MPV17: variants seen among roughly 807,000 people sequenced by gnomAD.
The protein encoded by MPV17 is mitochondrial inner membrane protein MPV17, also known as MPV17, mitochondrial inner membrane protein.
A neutral mutation model predicts 28.6 loss-of-function variants in MPV17; 31 were observed. The ratio of observed to expected loss-of-function variants is 1.08; its 90% CI spans 0.81 to 1.46. MPV17 has a LOEUF of 1.46. Ranked by LOEUF, MPV17 falls within the 40% of genes most tolerant of loss-of-function variation. The pLI is 0.00. For missense variants in MPV17, 198 were observed against 216.2 expected (o/e 0.92, Z 0.53); for synonymous variants, 87 against 85.3 (o/e 1.02, Z -0.11).
chr2:27,322,892 G>A lies in MPV17; in HGVS notation c.-6+160C>T, dbSNP rs569161070. ...CAAAAGATAGCTTGGTCCGTCTCCA[G>A]ATTCAGACTTGGTTGGAACCAGTTT... On this transcript the variant is annotated intron_variant, in intron 1 of 7. Coordinates refer to ENST00000380044, the MANE Select transcript of MPV17 (RefSeq NM_002437.5). 1.1e-4 allele frequency among the ~76,000 whole-genome samples: 16 copies of A among 152,324 alleles called. 1 individual carries two copies. The South Asian group carries it at 3.1e-3, about 30-fold the overall frequency.
intron 2 of MPV17, chr2:27,313,323 A>G: frequency 9.1e-7 from 1 of 1,104,376 alleles, no homozygotes; most frequent in East Asian, 2.6e-5. Context: ...AGAAACTGGG[A>G]TGAGCAGACC....
chr2:27,317,353 C>T lies in MPV17; in HGVS notation c.71-4244G>A. 1.2e-6 allele frequency: 1 copy of T among 868,534 alleles called. No individual in the cohort carries two copies. The highest frequency in any genetic ancestry group is 1.7e-5 in the African/African-American group (1 of 57,966). 53.8% of individuals were successfully genotyped at this position (868,534 alleles called of 1,614,324 possible). ...TCTGGGATTATTCTGAATGCTCTCC[C>T]ATTTCTGACCTGAACCCATCCTACT... is the stretch of plus-strand genomic sequence containing the variant. On this transcript the variant is annotated intron_variant, in intron 2 of 7. Transcript: ENST00000380044. The surrounding 1 kb of genome is among the most constrained non-coding windows in gnomAD (Gnocchi z 4.0).
At chr2:27,318,632 C>T (rs1414054444) in intron 2 of MPV17, among the ~76,000 whole-genome samples, 1 of 151,714 alleles carries the variant, frequency 6.6e-6, no homozygotes. Context: ...TGCTGGTGAG[C>T]CACCATACCC....
intron 2 of MPV17, chr2:27,315,865 A>AC (rs1345798934): frequency 1.5e-6 from 2 of 1,365,050 alleles, no homozygotes; most frequent in African/African-American, 2.9e-5. Flanking sequence ...CCCAGCCTAC[A>AC]CCCCCATTTA....
chr2:27,319,823 G>A, intron 2 of MPV17, among the ~76,000 whole-genome samples: 1 of 151,384 alleles, frequency 6.6e-6, no homozygotes, highest in East Asian at 2.0e-4. Flanking sequence ...CTACTCAGGA[G>A]GCTGACGCAT....
Position 27,312,517 on chromosome 2 carries a change from C to T in MPV17, c.352G>A (p.Asp118Asn). 1 of 1,614,168 alleles carries T rather than the reference C, an allele frequency of 6.2e-7. No individual in the cohort carries two copies. The highest frequency in any genetic ancestry group is 1.3e-5 in the African/African-American group (1 of 75,064). The change falls in exon 5 of 8, where the codon GAC becomes AAC. Residue 118 changes from aspartate to asparagine, a missense_variant. Transcript: ENST00000380044. ...VGALNGLSAQ[D>N]NWAKLQRDYP... ...ACCCGCTGTAGTTTGGCCCAGTTGT[C>T]CTGGGCTGACAGTCCATTAAGTGCC...
intron 2 of MPV17, among the ~76,000 whole-genome samples, chr2:27,321,636 A>G (rs535715440): frequency 2.6e-5 from 4 of 152,310 alleles, no homozygotes; most frequent in Admixed American, 2.6e-4. Flanking sequence ...TCTTCATGCC[A>G]TCCTCTTACA....
chr2:27,321,451 C>G (rs1679854776), intron 2 of MPV17, among the ~76,000 whole-genome samples: 1 of 152,248 alleles, frequency 6.6e-6, no homozygotes, highest in Non-Finnish European at 1.5e-5. Context: ...CCCTGTTCCA[C>G]TCTGGCCTTC....
intron 2 of MPV17, among the ~76,000 whole-genome samples, chr2:27,320,937 G>C (rs755582541): frequency 4.2e-4 from 64 of 152,200 alleles, no homozygotes; most frequent in Non-Finnish European, 2.2e-4. Context: ...TGGGAAAAGT[G>C]CTGGGAGGCT....
Position 27,312,542 on chromosome 2 carries a change from C to A in MPV17, c.327G>T (p.Gly109=). 6.2e-7 allele frequency: 1 copy of A among 1,614,158 alleles called. No homozygotes were observed. The highest frequency in any genetic ancestry group is 8.5e-7 in the Non-Finnish European group (1 of 1,179,986). ...CFLGCFLPLV[G]ALNGLSAQDN... ...CCTGGGCTGACAGTCCATTAAGTGC[C>A]CCTACCAGTGGGAGAAAGCAGCCTA... Residue 109 remains glycine, a synonymous_variant, in exon 5 of 8, where the codon GGG becomes GGT. Coordinates refer to ENST00000380044, the MANE Select transcript of MPV17 (RefSeq NM_002437.5).
Position 27,322,457 on chromosome 2 carries a change from G to C in MPV17, c.61C>G (p.Leu21Val), listed in dbSNP as rs200504529. The change falls in exon 2 of 8, where the codon CTG (leucine) becomes GTG (valine). Residue 21 changes from leucine to valine, a missense_variant. Leu to Val is a conservative substitution (Grantham distance 32). Coordinates refer to ENST00000380044, the MANE Select transcript of MPV17 (RefSeq NM_002437.5). The stretch of plus-strand genomic sequence containing the variant: ...CTAGAGGGACACTCACCAGCTGTCA[G>C]GACCTGTACTTTCCACGGGTGAGCG... ...LAAHPWKVQV[L>V]TAGSLMGLGD... 74 of 1,613,946 alleles carry C rather than the reference G, an allele frequency of 4.6e-5. No homozygotes were observed. The East Asian group carries it at 1.4e-3, about 30-fold the overall frequency.
At chr2:27,315,903 C>A in intron 2 of MPV17, 1 of 1,429,484 alleles carries the variant, frequency 7.0e-7, no homozygotes, top group Non-Finnish European at 9.1e-7. Flanking sequence ...GATGAGATGA[C>A]TTGGTAAGGA....
intron 2 of MPV17, among the ~76,000 whole-genome samples, chr2:27,315,120 T>G (rs768574017): frequency 3.3e-5 from 5 of 152,234 alleles, no homozygotes; most frequent in Non-Finnish European, 7.3e-5. Flanking sequence ...TAGATACCTT[T>G]GTTATCCCAT....
At position 27,309,644 on chromosome 2, in the gene MPV17, T is replaced by C. The variant is rs1679350860; in HGVS notation, c.*268A>G. ...GGGATGAGTGGCATTTGCTGGGATA[T>C]GGGTGTAAAGTTGATAAGGTCATGA... On this transcript the variant is annotated 3_prime_UTR_variant, in exon 8 of 8. Transcript: ENST00000380044. The C allele has an allele frequency of 2.3e-5, 14 of 599,124 alleles. No individual in the cohort carries two copies. Among genetic ancestry groups the C allele is most frequent in the Non-Finnish European group, 3.6e-5 (12 of 334,660 alleles). 37.1% of individuals were successfully genotyped at this position (599,124 alleles called of 1,614,324 possible).
intron 2 of MPV17, among the ~76,000 whole-genome samples, chr2:27,320,580 C>T (rs1679822770): frequency 1.3e-5 from 2 of 152,062 alleles, no homozygotes; most frequent in Non-Finnish European, 2.9e-5. Flanking sequence ...GTGATCTGCC[C>T]ACCTCGGCGT....
chr2:27,319,433 G>T (rs1384573823), intron 2 of MPV17, among the ~76,000 whole-genome samples: 1 of 144,734 alleles, frequency 6.9e-6, no homozygotes, highest in Non-Finnish European at 1.5e-5. Flanking sequence ...TAAGGCAGAG[G>T]ATCCTCTGTT....
intron 2 of MPV17, chr2:27,322,229 T>C (rs1679887504): frequency 1.7e-6 from 1 of 603,432 alleles, no homozygotes; most frequent in African/African-American, 1.8e-5. Flanking sequence ...TTTGAAATCC[T>C]AAAACCCTAC....
chr2:27,315,887 T>G (rs958365713), intron 2 of MPV17: 84 of 1,418,078 alleles, frequency 5.9e-5, no homozygotes, highest in Non-Finnish European at 7.5e-5. Flanking sequence ...TGATGAGTCT[T>G]TGAGAGATGA....
chr2:27,312,277 C>A, intron 5 of MPV17, 31 bp from the exon 6 acceptor site: 1 of 1,612,912 alleles, frequency 6.2e-7, no homozygotes, highest in Non-Finnish European at 8.5e-7. Flanking sequence ...CAAATTAACA[C>A]TTGCGCCTCC....
Sources: gnomAD v4.1 joint callset for allele counts (sites outside exome capture counted in the v4.1 genomes callset) on GRCh38, gnomAD v4.1.1 for gene constraint, Gnocchi (gnomAD v3.1) non-coding constraint, MANE v1.5 for transcripts, NCBI Gene and HGNC (gene_info 2026-07-23, HGNC 2026-07-21) for gene names.